The following FHIT variants were observed in gnomAD, a reference collection of about 807,000 sequenced individuals.
FHIT encodes the protein bis(5'-adenosyl)-triphosphatase.
In FHIT, 19 loss-of-function variants were observed where a neutral mutation model predicts 17.9. That is an observed-to-expected ratio of 1.06 (90% CI 0.74 to 1.56). FHIT has a LOEUF of 1.56. FHIT is among the 40% of genes most tolerant of loss of function. The pLI, the probability that FHIT is intolerant of heterozygous loss-of-function variation, is 0.00. For missense variants in FHIT, 248 were observed against 189.2 expected, an observed-to-expected ratio of 1.31 and a Z score of -1.82; for synonymous variants, 81 against 69.7, an observed-to-expected ratio of 1.16 and a Z score of -0.81.
At chr3:60,951,252 C>T (rs1464400311) in intron 3 of FHIT, among the ~76,000 whole-genome samples, 2 of 152,080 alleles carry the variant, frequency 1.3e-5, no homozygotes, top group African/African-American at 4.8e-5. Flanking sequence ...CTCAAATCAT[C>T]CAAGGAACAA....
intron 8 of FHIT, among the ~76,000 whole-genome samples, chr3:59,819,595 G>A (rs1449716785): frequency 1.3e-5 from 2 of 152,112 alleles, no homozygotes; most frequent in Non-Finnish European, 1.5e-5. Flanking sequence ...TTAGCAGACA[G>A]GCTCGTGTTC....
At chr3:60,692,250 T>C (rs13321532) in intron 4 of FHIT, among the ~76,000 whole-genome samples, 15,439 of 152,168 alleles carry the variant, frequency 0.1, 1,616 homozygotes, top group African/African-American at 0.27. Context: ...GACAAACATA[T>C]TTCCAAAAAT....
intron 5 of FHIT, among the ~76,000 whole-genome samples, chr3:60,129,058 T>TTTTTTTTG (rs1699403006): frequency 6.8e-6 from 1 of 146,374 alleles, no homozygotes; most frequent in African/African-American, 2.5e-5. Flanking sequence ...TGTTTGTTTT[T>TTTTTTTTG]TTTTTTTTTT....
intron 1 of FHIT, among the ~76,000 whole-genome samples, chr3:61,231,219 GT>G (rs2040091866): frequency 6.6e-6 from 1 of 152,194 alleles, no homozygotes; most frequent in African/African-American, 2.4e-5. Flanking sequence ...ACTGGGTTGT[GT>G]GCAATGGCTC....
chr3:60,311,074 G>A (rs962833276), intron 5 of FHIT, among the ~76,000 whole-genome samples: 4 of 152,088 alleles, frequency 2.6e-5, no homozygotes, highest in African/African-American at 9.7e-5. Context: ...TCTCAATTTT[G>A]TCAATTAACC....
intron 5 of FHIT, among the ~76,000 whole-genome samples, chr3:60,233,142 A>G (rs1704588809): frequency 6.6e-6 from 1 of 152,138 alleles, no homozygotes; most frequent in Non-Finnish European, 1.5e-5. Flanking sequence ...ATACTTTTCT[A>G]TTTTCATATC....
At chr3:60,547,861 A>G (rs991756531) in intron 4 of FHIT, among the ~76,000 whole-genome samples, 4 of 152,168 alleles carry the variant, frequency 2.6e-5, no homozygotes, top group African/African-American at 9.7e-5. Context: ...CAGTGACACA[A>G]AAGCAAATGC....
chr3:60,615,896 TAG>T (rs1425490521), intron 4 of FHIT, among the ~76,000 whole-genome samples: 1 of 152,176 alleles, frequency 6.6e-6, no homozygotes, highest in Non-Finnish European at 1.5e-5. Context: ...CCAATAAGAA[TAG>T]AGTGAGATGT....
At chr3:60,435,779 T>G (rs1324327277) in intron 5 of FHIT, among the ~76,000 whole-genome samples, 2 of 152,146 alleles carry the variant, frequency 1.3e-5, no homozygotes, top group Non-Finnish European at 2.9e-5. Context: ...ACTCATTAGT[T>G]ACTTTTCCTG....
At chr3:60,683,852 G>C (rs2040805354) in intron 4 of FHIT, among the ~76,000 whole-genome samples, 1 of 152,036 alleles carries the variant, frequency 6.6e-6, no homozygotes, top group South Asian at 2.1e-4. Flanking sequence ...ATCATTTTTG[G>C]GTAATACATC....
At chr3:59,890,896 A>C (rs1211265734) in intron 8 of FHIT, among the ~76,000 whole-genome samples, 2 of 152,126 alleles carry the variant, frequency 1.3e-5, no homozygotes, top group Non-Finnish European at 2.9e-5. Flanking sequence ...CCCCCCCAAC[A>C]CTGGCTCTCA....
intron 5 of FHIT, among the ~76,000 whole-genome samples, chr3:60,103,330 C>T (rs1178394118): frequency 2.0e-5 from 3 of 152,126 alleles, no homozygotes; most frequent in South Asian, 2.1e-4. Flanking sequence ...CACAGATTAA[C>T]AAAGAAAGGC....
intron 5 of FHIT, among the ~76,000 whole-genome samples, chr3:60,091,990 T>C (rs1197706572): frequency 4.6e-5 from 7 of 152,158 alleles, no homozygotes; most frequent in Non-Finnish European, 4.4e-5. Context: ...AACCTGCTAA[T>C]TAAGTCAGGA....
chr3:60,596,891 CCT>C (rs1278207924), intron 4 of FHIT, among the ~76,000 whole-genome samples: 1 of 152,076 alleles, frequency 6.6e-6, no homozygotes, highest in Admixed American at 6.6e-5. Context: ...GTATTGTCCC[CCT>C]GTGCTGTTTC....
chr3:61,047,480 G>C (rs749888846), intron 2 of FHIT, among the ~76,000 whole-genome samples: 28 of 152,184 alleles, frequency 1.8e-4, no homozygotes, highest in Non-Finnish European at 3.8e-4. Context: ...CGAAATAAAA[G>C]AGGACACAAC....
At chr3:60,636,376 A>AT (rs2039585857) in intron 4 of FHIT, among the ~76,000 whole-genome samples, 1 of 152,070 alleles carries the variant, frequency 6.6e-6, no homozygotes, top group Non-Finnish European at 1.5e-5. Context: ...GCCAGAATGA[A>AT]TGAATTTTAC....
At chr3:59,802,767 C>G (rs1190591316) in intron 8 of FHIT, among the ~76,000 whole-genome samples, 1 of 152,192 alleles carries the variant, frequency 6.6e-6, no homozygotes. Flanking sequence ...CAGCACATCA[C>G]AGGTGTTCAT....
At chr3:59,891,331 G>A (rs966351594) in intron 8 of FHIT, among the ~76,000 whole-genome samples, 3 of 152,178 alleles carry the variant, frequency 2.0e-5, no homozygotes, top group African/African-American at 7.2e-5. Flanking sequence ...TATGGAAAAG[G>A]GAGTGGTTTA....
chr3:60,935,069 T>G (rs1708130776), intron 3 of FHIT, among the ~76,000 whole-genome samples: 1 of 152,082 alleles, frequency 6.6e-6, no homozygotes, highest in South Asian at 2.1e-4. Flanking sequence ...TGAGATGCAT[T>G]GAGAGACAGA....
Sources: gnomAD v4.1 joint callset for allele counts (sites outside exome capture counted in the v4.1 genomes callset) on GRCh38, gnomAD v4.1.1 for gene constraint, MANE v1.5 for transcripts, NCBI Gene and HGNC (gene_info 2026-07-23, HGNC 2026-07-21) for gene names.